UNC93A: variants seen among roughly 807,000 people sequenced by gnomAD.
UNC93A encodes the protein unc-93 homolog A, also known as N-acetylglucosamine transporter UNC93A.
Under a neutral mutation model 47.5 loss-of-function variants are expected in UNC93A, and 43 were observed. That is an observed-to-expected ratio of 0.91 (90% CI 0.71 to 1.17). UNC93A has a LOEUF of 1.17. UNC93A is among the 50% of genes most tolerant of loss of function. UNC93A has a pLI of 0.00. For missense variants in UNC93A, 605 were observed against 577.6 expected (o/e 1.05, Z -0.49); for synonymous variants, 280 against 258.0 (o/e 1.09, Z -0.82).
At chr6:167,285,193 T>G (rs895843022) in intron 1 of UNC93A, among the ~76,000 whole-genome samples, 10 of 151,054 alleles carry the variant, frequency 6.6e-5, no homozygotes, top group South Asian at 2.2e-4. Flanking sequence ...CCATGCCCAG[T>G]CACACTCCCT....
rs767779995 is a variant in UNC93A, at chr6:167,294,571, G to A, written c.142G>A (p.Gly48Arg). Residue 48 changes from glycine to arginine, a missense_variant, in exon 2 of 8, where the codon GGA becomes AGA. Physicochemically the swap from Gly to Arg is moderately radical, Grantham distance 125. Coordinates refer to ENST00000230256, the MANE Select transcript of UNC93A (RefSeq NM_018974.4). ...TGTCACAGCGCTCAGCACCCTCTATGGAGGCATGCTCCTGTCCTCCATGTT... is the reference window on the plus strand; with the variant it reads ...TGTCACAGCGCTCAGCACCCTCTATAGAGGCATGCTCCTGTCCTCCATGTT... ...LGVTALSTLYGGMLLSSMFLP... is the reference protein window; with the variant it reads ...LGVTALSTLYRGMLLSSMFLP... The A allele has an allele frequency of 1.9e-6, 3 of 1,614,080 alleles. No homozygotes were observed. The Admixed American group carries it at 5.0e-5, about 27-fold the overall frequency.
chr6:167,287,515 AC>A (rs1281540446), upstream of UNC93A, among the ~76,000 whole-genome samples: 3 of 152,092 alleles, frequency 2.0e-5, no homozygotes, highest in East Asian at 5.8e-4. Context: ...GAGAATGGAG[AC>A]CCCTGGCCCT....
intron 4 of UNC93A, among the ~76,000 whole-genome samples, chr6:167,300,227 C>T (rs1778204650): frequency 6.6e-6 from 1 of 152,184 alleles, no homozygotes; most frequent in Non-Finnish European, 1.5e-5. Context: ...CATCTTCCAA[C>T]ATGGTGACTG....
intron 4 of UNC93A, 103 bp from the exon 5 acceptor site, chr6:167,303,816 G>A: frequency 1.8e-6 from 2 of 1,083,320 alleles, no homozygotes; most frequent in South Asian, 2.8e-5. Flanking sequence ...ATCTGAATTA[G>A]CCCTCCCTCG....
chr6:167,296,349 C>A, intron 3 of UNC93A, 88 bp downstream of exon 3: 1 of 1,378,926 alleles, frequency 7.3e-7, no homozygotes, highest in Non-Finnish European at 1.0e-6. Context: ...AGTTGCACAC[C>A]TGCCTTGATT....
At position 167,315,262 on chromosome 6, in the gene UNC93A, TC is replaced by T; in HGVS notation, c.1185del (p.Phe395LeufsTer24). Reference protein sequence around the residue: ...ANYRLWEALGFVIAFGYSMFL... With the variant: ...ANYRLWEALGXVIAFGYSMFL... ...TACCGCCTGTGGGAGGCCCTGGGCT[TC>T]GTCATTGCCTTCGGGTACAGCATGT... On this transcript the variant is annotated frameshift_variant, in exon 8 of 8. Transcript: ENST00000230256. LOFTEE classifies it high-confidence loss of function. 2 of 1,613,778 alleles carry T rather than the reference TC, an allele frequency of 1.2e-6. No homozygotes were observed. The highest frequency in any genetic ancestry group is 1.7e-6 in the Non-Finnish European group (2 of 1,179,844).
chr6:167,308,476 G>C (rs1778465205), intron 7 of UNC93A, among the ~76,000 whole-genome samples: 1 of 151,992 alleles, frequency 6.6e-6, no homozygotes, highest in Admixed American at 6.6e-5. Context: ...CTGTGGATGT[G>C]GGGGAGCAGG....
intron 1 of UNC93A, 127 bp downstream of exon 1, chr6:167,291,703 C>A: frequency 1.2e-6 from 1 of 857,246 alleles, no homozygotes; most frequent in Non-Finnish European, 1.8e-6. Context: ...CACTCTGTAC[C>A]AAATCCTCTA....
intron 1 of UNC93A, among the ~76,000 whole-genome samples, chr6:167,281,315 A>G (rs1366459840): frequency 6.6e-6 from 1 of 152,084 alleles, no homozygotes; most frequent in African/African-American, 2.4e-5. Context: ...GCCAATCATT[A>G]GCCATTCCTC....
Position 167,306,040 on chromosome 6 carries a change from G to C in UNC93A, c.966G>C (p.Leu322=), listed in dbSNP as rs150296843. The change falls in exon 6 of 8, where the codon CTG becomes CTC. Residue 322 remains leucine (L), a synonymous_variant. Coordinates refer to ENST00000230256, the MANE Select transcript of UNC93A (RefSeq NM_018974.4). ...CGCAGTACACGGGCAGGGCTGTGCT[G>C]TACGTGCTGGGTAGGTATCAGCGTG... is the stretch of plus-strand genomic sequence containing the variant. ...KVSQYTGRAV[L]YVLGAVTHVS... 1.4e-5 allele frequency: 23 copies of C among 1,614,134 alleles called. No homozygotes were observed. The highest frequency in any genetic ancestry group is 3.3e-4 in the Middle Eastern group (2 of 6,062).
intron 7 of UNC93A, among the ~76,000 whole-genome samples, chr6:167,312,091 C>A (rs1215615803): frequency 6.6e-6 from 1 of 151,958 alleles, no homozygotes; most frequent in Non-Finnish European, 1.5e-5. Context: ...TTTTTCATGA[C>A]CTGGACCCTT....
At chr6:167,271,880 C>G (rs1365354558) in intron 1 of UNC93A, among the ~76,000 whole-genome samples, 2 of 152,088 alleles carry the variant, frequency 1.3e-5, no homozygotes, top group African/African-American at 2.4e-5. Flanking sequence ...TCTAGGGCAG[C>G]AAACTGCAGC....
intron 5 of UNC93A, among the ~76,000 whole-genome samples, chr6:167,304,867 G>A (rs1232962524): frequency 2.0e-5 from 3 of 152,184 alleles, no homozygotes; most frequent in Non-Finnish European, 4.4e-5. Context: ...ACTGTGCCTG[G>A]CACCTCTAGT....
intron 1 of UNC93A, among the ~76,000 whole-genome samples, chr6:167,293,373 A>G (rs939830643): frequency 1.3e-5 from 2 of 151,080 alleles, no homozygotes; most frequent in African/African-American, 2.4e-5. Flanking sequence ...GGTCCCCTCC[A>G]CTCCAGCTCC....
rs752698214 is a variant in UNC93A at position 167,296,040 on chromosome 6, T to G, written c.278T>G (p.Leu93Trp). Residue 93 changes from leucine (L) to tryptophan (W), a missense_variant, in exon 3 of 8, where the codon TTG (leucine) becomes TGG (tryptophan). By Grantham distance (61) the Leu-to-Trp change is moderately conservative. Coordinates refer to ENST00000230256, the MANE Select transcript of UNC93A (RefSeq NM_018974.4). ...VGNFFASWYTLIPTSILLGLG... is the reference protein window; with the variant it reads ...VGNFFASWYTWIPTSILLGLG... ...CTGCATTTTACCCACAGGTACACTT[T>G]GATCCCCACCTCCATACTGCTGGGA... 1 of 1,614,094 alleles carries G rather than the reference T, an allele frequency of 6.2e-7. No homozygotes were observed. Among genetic ancestry groups the G allele is most frequent in the East Asian group, 2.2e-5 (1 of 44,884 alleles).
chr6:167,312,673 A>G (rs1372265318), intron 7 of UNC93A, among the ~76,000 whole-genome samples: 1 of 152,178 alleles, frequency 6.6e-6, no homozygotes, highest in East Asian at 1.9e-4. Flanking sequence ...CTGCTTCCTT[A>G]TGTGTTCAAT....
chr6:167,276,541 C>G (rs1583058593), intron 1 of UNC93A, among the ~76,000 whole-genome samples: 1 of 152,074 alleles, frequency 6.6e-6, no homozygotes, highest in African/African-American at 2.4e-5. Flanking sequence ...ATGTGAGACC[C>G]CGGCAGTTTA....
chr6:167,305,938 C>T lies in UNC93A; in HGVS notation c.864C>T (p.Gly288=). The T allele has an allele frequency of 6.2e-7, 1 of 1,614,192 alleles. No individual in the cohort carries two copies. The highest frequency in any genetic ancestry group is 1.6e-4 in the Middle Eastern group (1 of 6,062). The change falls in exon 6 of 8, where the codon GGC becomes GGT. Residue 288 remains glycine, a synonymous_variant. Coordinates refer to ENST00000230256, the MANE Select transcript of UNC93A (RefSeq NM_018974.4). Reference sequence around the variant, plus strand: ...AGTCCTATGTCACCTGCACCCTGGGCATCCAGTTCGTCGGCTACGTGATGA... The same window carrying T: ...AGTCCTATGTCACCTGCACCCTGGGTATCCAGTTCGTCGGCTACGTGATGA... ...YTRSYVTCTL[G]IQFVGYVMIC...
rs141000343 is a variant in UNC93A at position 167,305,950 on chromosome 6, C to T, written c.876C>T (p.Val292=). Residue 292 remains valine, a synonymous_variant, in exon 6 of 8, where the codon GTC becomes GTT. Transcript: ENST00000230256. ...YVTCTLGIQF[V]GYVMICFSAT... Reference sequence around the variant, plus strand: ...CCTGCACCCTGGGCATCCAGTTCGTCGGCTACGTGATGATCTGCTTCTCGG... The same window carrying T: ...CCTGCACCCTGGGCATCCAGTTCGTTGGCTACGTGATGATCTGCTTCTCGG... 1.1e-5 allele frequency: 17 copies of T among 1,613,980 alleles called. No individual in the cohort carries two copies. Among genetic ancestry groups the T allele is most frequent in the South Asian group, 2.2e-5 (2 of 91,086 alleles).
Sources: gnomAD v4.1 joint callset for allele counts (sites outside exome capture counted in the v4.1 genomes callset) on GRCh38, gnomAD v4.1.1 for gene constraint, MANE v1.5 for transcripts, NCBI Gene and HGNC (gene_info 2026-07-23, HGNC 2026-07-21) for gene names.